Variants in TBC1D1 observed in about 807,000 individuals in gnomAD.
TBC1D1 encodes the protein TBC1 domain family member 1.
A neutral mutation model predicts 125.6 loss-of-function variants in TBC1D1; 89 were observed. The ratio of observed to expected loss-of-function variants is 0.71; its 90% CI spans 0.60 to 0.85. The LOEUF is 0.85. Ranked by LOEUF, TBC1D1 falls within the 40% of genes least tolerant of loss-of-function variation. The pLI, the probability that TBC1D1 is intolerant of heterozygous loss-of-function variation, is 0.00. For missense variants in TBC1D1, 1,377 were observed against 1,469.2 expected (o/e 0.94, Z 1.03); for synonymous variants, 565 against 564.1 (o/e 1.00, Z -0.02).
chr4:38,074,876 T>A (rs545934594), intron 12 of TBC1D1, among the ~76,000 whole-genome samples: 19 of 152,098 alleles, frequency 1.2e-4, no homozygotes, highest in African/African-American at 4.6e-4. Context: ...TTCTCCTGCC[T>A]CAGCCTCCCG....
At chr4:38,085,664 G>A (rs903081566) in intron 12 of TBC1D1, among the ~76,000 whole-genome samples, 3 of 152,224 alleles carry the variant, frequency 2.0e-5, no homozygotes, top group Non-Finnish European at 2.9e-5. Flanking sequence ...CTCTCAGCAA[G>A]AATGCAAGTC....
chr4:38,054,076 AT>A, intron 11 of TBC1D1, 122 bp from the exon 14 acceptor site: 1 of 1,063,580 alleles, frequency 9.4e-7, no homozygotes, highest in Non-Finnish European at 1.4e-6. Context: ...AACTTCTGTG[AT>A]TGATTATTTG....
At chr4:38,071,495 T>C (rs1250907894) in intron 12 of TBC1D1, among the ~76,000 whole-genome samples, 2 of 152,260 alleles carry the variant, frequency 1.3e-5, no homozygotes, top group Non-Finnish European at 2.9e-5. Flanking sequence ...TCCTATACAA[T>C]TAAAACCTGT....
chr4:38,003,476 A>G (rs146074676), intron 2 of TBC1D1, among the ~76,000 whole-genome samples: 302 of 152,270 alleles, frequency 2.0e-3, no homozygotes, highest in African/African-American at 6.6e-3. Context: ...GGCATTATCT[A>G]TTGCCTGCTG....
intron 12 of TBC1D1, among the ~76,000 whole-genome samples, chr4:38,065,870 G>A (rs942320119): frequency 6.6e-6 from 1 of 152,006 alleles, no homozygotes; most frequent in Non-Finnish European, 1.5e-5. Flanking sequence ...GGCTGGTCTC[G>A]AACTCCTGAC....
rs762380382 is a variant in TBC1D1 at position 38,014,610 on chromosome 4, C to T, written c.519C>T (p.Phe173=). The T allele has an allele frequency of 2.5e-6, 4 of 1,613,428 alleles. No homozygotes were observed. The highest frequency in any genetic ancestry group is 2.5e-6 in the Non-Finnish European group (3 of 1,180,032). Residue 173 remains phenylalanine (F), a synonymous_variant, in exon 3 of 20, where the codon TTC becomes TTT. Transcript: ENST00000261439. The surrounding 1 kb of genome is among the most constrained non-coding windows in gnomAD (Gnocchi z 5.1). The stretch of plus-strand genomic sequence containing the variant: ...TCGACGACACGTTTTCCAAGAAGTT[C>T]GAGGTGCTCTTCTGCGGCCGCGTGA...
chr4:38,103,765 G>C (rs1359086216), intron 15 of TBC1D1, among the ~76,000 whole-genome samples: 2 of 152,108 alleles, frequency 1.3e-5, no homozygotes, highest in Non-Finnish European at 2.9e-5. Flanking sequence ...AAAAATCAAT[G>C]AAAACTAAAC....
At chr4:37,892,259 T>G (rs190982875) in intron 1 of TBC1D1, among the ~76,000 whole-genome samples, 1 of 152,278 alleles carries the variant, frequency 6.6e-6, no homozygotes, top group Admixed American at 6.5e-5. Context: ...ACTTCTAAAC[T>G]TTTTCAATGA....
At chr4:38,096,190 T>G in intron 14 of TBC1D1, 100 bp downstream of exon 16, 1 of 929,328 alleles carries the variant, frequency 1.1e-6, no homozygotes, top group Non-Finnish European at 1.6e-6. Context: ...TTAGTGGCCA[T>G]CTCCCTTCTT....
At chr4:37,913,075 T>A (rs915453089) in intron 2 of TBC1D1, among the ~76,000 whole-genome samples, 1 of 152,206 alleles carries the variant, frequency 6.6e-6, no homozygotes, top group Non-Finnish European at 1.5e-5. Context: ...TTACCCATAG[T>A]GTAATTAGGA....
chr4:37,969,557 G>T (rs1161941219), intron 2 of TBC1D1, among the ~76,000 whole-genome samples: 3 of 152,154 alleles, frequency 2.0e-5, no homozygotes, highest in East Asian at 1.9e-4. Flanking sequence ...CGTTGGCCAG[G>T]CTGGCCTTGA....
At position 38,014,601 on chromosome 4, in the gene TBC1D1, C is replaced by A; in HGVS notation, c.510C>A (p.Ser170=). 6.2e-7 allele frequency: 1 copy of A among 1,613,420 alleles called. No individual in the cohort carries two copies. The highest frequency in any genetic ancestry group is 8.5e-7 in the Non-Finnish European group (1 of 1,180,034). Reference sequence around the variant, plus strand: ...CGTCCGAGTTCGACGACACGTTTTCCAAGAAGTTCGAGGTGCTCTTCTGCG... The same window carrying A: ...CGTCCGAGTTCGACGACACGTTTTCAAAGAAGTTCGAGGTGCTCTTCTGCG... Residue 170 remains serine (S), a synonymous_variant, in exon 3 of 20, where the codon TCC becomes TCA. Transcript: ENST00000261439. This position sits in a 1 kb window ranked among gnomAD's most constrained non-coding sequence, Gnocchi z 5.1.
intron 18 of TBC1D1, among the ~76,000 whole-genome samples, chr4:38,127,707 A>C (rs552470876): frequency 6.6e-6 from 1 of 152,130 alleles, no homozygotes; most frequent in Non-Finnish European, 1.5e-5. Context: ...TAACTCTAGG[A>C]CATAGGTATT....
At chr4:38,106,956 C>T (rs1378122556) in intron 15 of TBC1D1, among the ~76,000 whole-genome samples, 1 of 152,024 alleles carries the variant, frequency 6.6e-6, no homozygotes, top group African/African-American at 2.4e-5. Flanking sequence ...CCATCCCTGC[C>T]TCTCCCCACC....
At chr4:38,045,584 C>T (rs1408695836) in intron 9 of TBC1D1, among the ~76,000 whole-genome samples, 1 of 152,190 alleles carries the variant, frequency 6.6e-6, no homozygotes, top group African/African-American at 2.4e-5. Context: ...GCCTATCACT[C>T]ATGCCAAATT....
At chr4:37,978,421 T>A (rs1733691837) in intron 2 of TBC1D1, among the ~76,000 whole-genome samples, 1 of 152,190 alleles carries the variant, frequency 6.6e-6, no homozygotes, top group South Asian at 2.1e-4. Flanking sequence ...AGTAATAAGC[T>A]CACAACTCGT....
intron 2 of TBC1D1, among the ~76,000 whole-genome samples, chr4:37,983,312 A>G (rs1734762462): frequency 6.6e-6 from 1 of 151,698 alleles, no homozygotes. Context: ...ACGGGGTTTC[A>G]CCATGTTGGC....
intron 12 of TBC1D1, among the ~76,000 whole-genome samples, chr4:38,075,282 T>C (rs1755393505): frequency 6.6e-6 from 1 of 152,246 alleles, no homozygotes; most frequent in African/African-American, 2.4e-5. Context: ...TTGATGATCA[T>C]GTCGTCTGTT....
intron 12 of TBC1D1, among the ~76,000 whole-genome samples, chr4:38,071,852 A>G (rs973091312): frequency 6.6e-5 from 10 of 152,250 alleles, no homozygotes; most frequent in South Asian, 2.1e-4. Flanking sequence ...TCTTAATCCA[A>G]TGCTCCGTTT....
Sources: gnomAD v4.1 joint callset for allele counts (sites outside exome capture counted in the v4.1 genomes callset) on GRCh38, gnomAD v4.1.1 for gene constraint, Gnocchi (gnomAD v3.1) non-coding constraint, MANE v1.5 for transcripts, NCBI Gene and HGNC (gene_info 2026-07-23, HGNC 2026-07-21) for gene names.